Variants in ZNF385C observed in about 807,000 individuals in gnomAD.
ZNF385C encodes CTD-2132N18.2.
Under a neutral mutation model 35.4 loss-of-function variants are expected in ZNF385C, and 28 were observed. That is an observed-to-expected ratio of 0.79 (90% CI 0.59 to 1.08). ZNF385C has a LOEUF of 1.08. ZNF385C is among the 50% of genes least tolerant of loss of function. The pLI, the probability that ZNF385C is intolerant of heterozygous loss-of-function variation, is 0.00. For missense variants in ZNF385C, 605 were observed against 595.6 expected, an observed-to-expected ratio of 1.02 and a Z score of -0.16; for synonymous variants, 248 against 248.2, an observed-to-expected ratio of 1.00 and a Z score of 0.01.
chr17:42,027,240 G>A (rs2052605613), intron 8 of ZNF385C, 107 bp from the exon 9 acceptor site: 1 of 1,056,914 alleles, frequency 9.5e-7, no homozygotes, highest in East Asian at 2.4e-5. Context: ...GTGCCTTTTA[G>A]AGTTCCAAAC....
intron 2 of ZNF385C, chr17:42,039,978 G>A (rs2143638736): frequency 3.2e-6 from 4 of 1,231,030 alleles, no homozygotes; most frequent in Admixed American, 4.2e-5. Flanking sequence ...CCGAGTGCGC[G>A]CACGCCAGCT....
chr17:42,071,572 A>C (rs1555658817), intron 1 of ZNF385C, among the ~76,000 whole-genome samples: 1 of 152,176 alleles, frequency 6.6e-6, no homozygotes, highest in East Asian at 1.9e-4. Context: ...TGCAGGGTCC[A>C]TAGTGGCAAC....
chr17:42,043,267 T>A (rs1415443923), intron 2 of ZNF385C: 54 of 1,232,136 alleles, frequency 4.4e-5, no homozygotes, highest in Non-Finnish European at 5.4e-5. Flanking sequence ...CCGCTCATAG[T>A]CAAAGTCCAG....
At position 42,090,643 on chromosome 17, in the gene ZNF385C, C is replaced by T. The variant is rs1448937090; in HGVS notation, c.-3+7767G>A. On this transcript the variant is annotated intron_variant, in intron 1 of 8. Transcript: ENST00000692273. ...GGCACGGTGGCTCACGCCTGTAATC[C>T]CAGCACTTTGGGAAGCAGAGGCGGG... is the stretch of plus-strand genomic sequence containing the variant. Among the ~76,000 whole-genome samples the T allele has an allele frequency of 2.0e-5, 3 of 151,756 alleles. No individual in the cohort carries two copies. In the East Asian group the frequency reaches 6.0e-4, roughly 30 times the overall value.
chr17:42,086,439 C>T (rs956113494), intron 1 of ZNF385C, among the ~76,000 whole-genome samples: 3 of 151,820 alleles, frequency 2.0e-5, no homozygotes, highest in South Asian at 2.1e-4. Flanking sequence ...CAGTGGCTCA[C>T]GCCTGTAATC....
rs150236987 is a variant in ZNF385C at position 42,043,266 on chromosome 17, G to A, written c.251-5381C>T. 709 of 1,232,258 alleles carry A rather than the reference G, an allele frequency of 5.8e-4. 12 individuals carry two copies. In the East Asian group the frequency reaches 0.017, roughly 30 times the overall value. 76.3% of individuals were successfully genotyped at this position (1,232,258 alleles called of 1,614,324 possible). On this transcript the variant is annotated intron_variant, in intron 2 of 8. Coordinates refer to ENST00000692273, the MANE Select transcript of ZNF385C (RefSeq NM_001392013.1). Reference sequence around the variant, plus strand: ...GGCAGAACATCAGCTTCCGCTCATAGTCAAAGTCCAGCCAGGTAAACTCCT... The same window carrying A: ...GGCAGAACATCAGCTTCCGCTCATAATCAAAGTCCAGCCAGGTAAACTCCT...
At chr17:42,089,635 CACGA>C (rs2053844361) in intron 1 of ZNF385C, among the ~76,000 whole-genome samples, 1 of 152,072 alleles carries the variant, frequency 6.6e-6, no homozygotes, top group South Asian at 2.1e-4. Context: ...AAATCTTGAC[CACGA>C]ATCTTTTTTT....
intron 2 of ZNF385C, chr17:42,040,577 C>T: frequency 8.1e-7 from 1 of 1,232,720 alleles, no homozygotes; most frequent in Non-Finnish European, 1.0e-6. Flanking sequence ...GCCAGTGACC[C>T]CGCCACAGGT....
At chr17:42,056,865 T>G (rs899781655) in intron 2 of ZNF385C, among the ~76,000 whole-genome samples, 1 of 152,180 alleles carries the variant, frequency 6.6e-6, no homozygotes, top group Non-Finnish European at 1.5e-5. Flanking sequence ...CATGTGGAAC[T>G]GTGAATCCAT....
chr17:42,094,605 A>G (rs2143963198), intron 1 of ZNF385C, among the ~76,000 whole-genome samples: 1 of 152,280 alleles, frequency 6.6e-6, no homozygotes. Flanking sequence ...GAGAGGGGAA[A>G]GGACACAGAT....
chr17:42,085,876 C>T (rs1555660084), intron 1 of ZNF385C, among the ~76,000 whole-genome samples: 4 of 150,596 alleles, frequency 2.7e-5, no homozygotes, highest in African/African-American at 7.3e-5. Flanking sequence ...AGATTACAGG[C>T]GTGAGCCACC....
rs1482807258 is a variant in ZNF385C at position 42,058,396 on chromosome 17, A to G, written c.250+4411T>C. 2.0e-5 allele frequency among the ~76,000 whole-genome samples: 3 copies of G among 152,210 alleles called. No individual in the cohort carries two copies. In the East Asian group the frequency reaches 5.8e-4, roughly 29 times the overall value. On this transcript the variant is annotated intron_variant, in intron 2 of 8. Transcript: ENST00000692273. The stretch of plus-strand genomic sequence containing the variant: ...CTCAATCTGGCATGGCGCCCCGGAC[A>G]CTGAGTGCCTAGGACCAATGCAGCG...
intron 2 of ZNF385C, chr17:42,038,499 T>C (rs1055104): frequency 0.041 from 6,751 of 164,948 alleles, 488 homozygotes; most frequent in African/African-American, 0.15. Flanking sequence ...TCCTTGGAGG[T>C]GGCAGGTACA....
chr17:42,034,080 T>G, intron 4 of ZNF385C, 145 bp downstream of exon 4: 2 of 682,572 alleles, frequency 2.9e-6, no homozygotes, highest in Non-Finnish European at 5.2e-6. Flanking sequence ...GGACCAAGAG[T>G]GCCTCTTCTG....
chr17:42,031,821 C>T (rs959763156), intron 4 of ZNF385C, 37 bp from the exon 5 acceptor site: 6 of 1,544,484 alleles, frequency 3.9e-6, no homozygotes, highest in Admixed American at 2.0e-5. Context: ...CATTCACTGG[C>T]TGAGTCCACA....
intron 1 of ZNF385C, among the ~76,000 whole-genome samples, chr17:42,085,854 C>T (rs1255235702): frequency 6.6e-6 from 1 of 152,036 alleles, no homozygotes; most frequent in Non-Finnish European, 1.5e-5. Context: ...ACCTCGGCCT[C>T]CCAAAGTGCT....
intron 2 of ZNF385C, among the ~76,000 whole-genome samples, chr17:42,048,589 C>T (rs1453332939): frequency 6.6e-6 from 1 of 152,094 alleles, no homozygotes; most frequent in East Asian, 1.9e-4. Flanking sequence ...TCCCAATCAT[C>T]CCTGTCTCAG....
At chr17:42,027,399 C>T (rs2052610877) in intron 8 of ZNF385C, among the ~76,000 whole-genome samples, 1 of 151,966 alleles carries the variant, frequency 6.6e-6, no homozygotes, top group Admixed American at 6.6e-5. Context: ...GATGCACGCC[C>T]ACCCCTCACT....
At chr17:42,052,432 T>C (rs1250287561) in intron 2 of ZNF385C, among the ~76,000 whole-genome samples, 1 of 151,802 alleles carries the variant, frequency 6.6e-6, no homozygotes, top group Non-Finnish European at 1.5e-5. Flanking sequence ...CATACATACA[T>C]ACCTCCCCCC....
Sources: gnomAD v4.1 joint callset for allele counts (sites outside exome capture counted in the v4.1 genomes callset) on GRCh38, gnomAD v4.1.1 for gene constraint, MANE v1.5 for transcripts, NCBI Gene and HGNC (gene_info 2026-07-23, HGNC 2026-07-21) for gene names.